Variants in CELSR1 observed in about 807,000 individuals in gnomAD.
The protein encoded by CELSR1 is adhesion G protein-coupled receptor C1.
Under a neutral mutation model 249.1 loss-of-function variants are expected in CELSR1, and 110 were observed. The observed-to-expected ratio is 0.44, with a 90% CI of 0.38 to 0.52. The LOEUF is 0.52. Among genes scored for constraint, CELSR1 ranks in the 20% least tolerant of loss-of-function variants. The pLI is 0.00. For synonymous variants in CELSR1, 2,113 were observed against 1,900.0 expected (o/e 1.11, Z -2.92); for missense variants, 4,109 against 4,296.4 (o/e 0.96, Z 1.22).
At chr22:46,507,608 T>G (rs1221482713) in intron 1 of CELSR1, among the ~76,000 whole-genome samples, 2 of 152,150 alleles carry the variant, frequency 1.3e-5, no homozygotes, top group African/African-American at 4.8e-5. Context: ...CACCCCTCAG[T>G]GCAGGGGCCC....
At chr22:46,397,277 C>CTTTTTT (rs528088887) in intron 12 of CELSR1, among the ~76,000 whole-genome samples, 3 of 78,752 alleles carry the variant, frequency 3.8e-5, no homozygotes, top group Non-Finnish European at 7.2e-5. Context: ...CTAATTTTTG[C>CTTTTTT]TTTTTTTTTT....
rs1569153358 is a variant in CELSR1, at chr22:46,423,947, C to CAGG, written c.4611+9445_4611+9446insCCT. Among the ~76,000 whole-genome samples the CAGG allele has an allele frequency of 1.3e-5, 2 of 152,192 alleles. No homozygotes were observed. Among genetic ancestry groups the CAGG allele is most frequent in the Admixed American group, 6.5e-5 (1 of 15,288 alleles). On this transcript the variant is annotated intron_variant, in intron 5 of 34. Coordinates refer to ENST00000674500, the MANE Select transcript of CELSR1 (RefSeq NM_001378328.1). The surrounding 1 kb of genome is among the most constrained non-coding windows in gnomAD (Gnocchi z 5.6). Reference sequence around the variant, plus strand: ...GCCGAGATTGTGCCAGCCTGGGTGACAGAGTGAGACTGCATCTCAAAACAA... The same window carrying CAGG: ...GCCGAGATTGTGCCAGCCTGGGTGACAGGAGAGTGAGACTGCATCTCAAAACAA...
At chr22:46,383,231 C>T (rs2078998457) in intron 20 of CELSR1, among the ~76,000 whole-genome samples, 1 of 150,850 alleles carries the variant, frequency 6.6e-6, no homozygotes, top group Non-Finnish European at 1.5e-5. Context: ...TTTTAAGACA[C>T]ATGAGATAAC....
chr22:46,433,428 G>T lies in CELSR1; in HGVS notation c.4576C>A (p.Arg1526=), dbSNP rs371109251. 1 of 1,613,670 alleles carries T rather than the reference G, an allele frequency of 6.2e-7. No individual in the cohort carries two copies. Among genetic ancestry groups the T allele is most frequent in the African/African-American group, 1.3e-5 (1 of 74,898 alleles). The change falls in exon 5 of 35, where the codon CGG becomes AGG. Residue 1526 remains arginine (R), a synonymous_variant. Coordinates refer to ENST00000674500, the MANE Select transcript of CELSR1 (RefSeq NM_001378328.1). The surrounding 1 kb of genome is among the most constrained non-coding windows in gnomAD (Gnocchi z 5.7). ...PKVPSGVSDG[R]WHSVQVQYYN... ...TACTGCACCTGCACAGAGTGCCACC[G>T]CCCGTCACTCACACCACTGGGAACC...
intron 12 of CELSR1, among the ~76,000 whole-genome samples, chr22:46,397,169 TC>T (rs1392919170): frequency 6.6e-6 from 1 of 152,068 alleles, no homozygotes; most frequent in African/African-American, 2.4e-5. Context: ...AGTGGCATGA[TC>T]TCAGCTCACT....
intron 19 of CELSR1, among the ~76,000 whole-genome samples, chr22:46,385,492 G>A (rs934702645): frequency 3.3e-5 from 5 of 151,960 alleles, no homozygotes; most frequent in Non-Finnish European, 5.9e-5. Flanking sequence ...CGGGGTCCTC[G>A]ACACCCACCC....
Position 46,395,472 on chromosome 22 carries a change from T to A in CELSR1, c.5843+1133A>T, listed in dbSNP as rs2147269162. On this transcript the variant is annotated intron_variant, in intron 13 of 34. Coordinates refer to ENST00000674500, the MANE Select transcript of CELSR1 (RefSeq NM_001378328.1). The surrounding 1 kb of genome is among the most constrained non-coding windows in gnomAD (Gnocchi z 5.5). The stretch of plus-strand genomic sequence containing the variant: ...GGCTCTGTTGCTTTCGCTCCCAGAA[T>A]GCCCTCCCGCTTCAGCCACACTGGC... 6.6e-6 allele frequency among the ~76,000 whole-genome samples: 1 copy of A among 152,198 alleles called. No individual in the cohort carries two copies. The highest frequency in any genetic ancestry group is 2.4e-5 in the African/African-American group (1 of 41,538).
chr22:46,400,483 T>G (rs1254998840), intron 9 of CELSR1, among the ~76,000 whole-genome samples: 2 of 151,444 alleles, frequency 1.3e-5, no homozygotes, highest in African/African-American at 4.9e-5. Flanking sequence ...CTAAAAATAC[T>G]GAAATTAGCC....
intron 22 of CELSR1, among the ~76,000 whole-genome samples, chr22:46,379,511 C>T (rs1369258052): frequency 6.6e-6 from 1 of 152,222 alleles, no homozygotes; most frequent in Admixed American, 6.5e-5. Context: ...CAGATGAATG[C>T]CCAAGACAGA....
intron 1 of CELSR1, among the ~76,000 whole-genome samples, chr22:46,502,835 C>G (rs1465161681): frequency 6.6e-6 from 1 of 152,128 alleles, no homozygotes; most frequent in African/African-American, 2.4e-5. Flanking sequence ...TGGCCAAAAT[C>G]GGCAGCAAGG....
intron 5 of CELSR1, among the ~76,000 whole-genome samples, chr22:46,420,023 C>T (rs536526606): frequency 6.6e-6 from 1 of 150,720 alleles, no homozygotes; most frequent in Non-Finnish European, 1.5e-5. Flanking sequence ...AACCCACGTG[C>T]ACTTACCGAC....
intron 1 of CELSR1, among the ~76,000 whole-genome samples, chr22:46,493,072 T>C (rs969097566): frequency 1.3e-5 from 2 of 151,570 alleles, no homozygotes; most frequent in African/African-American, 4.9e-5. Context: ...AGCCAGATCC[T>C]ATCTCTACAA....
intron 1 of CELSR1, among the ~76,000 whole-genome samples, chr22:46,510,421 A>T (rs1034062761): frequency 6.6e-6 from 1 of 152,070 alleles, no homozygotes; most frequent in African/African-American, 2.4e-5. Flanking sequence ...CCAGACACAC[A>T]AACAGTCCTT....
At chr22:46,392,042 G>A (rs113599253) in intron 14 of CELSR1, among the ~76,000 whole-genome samples, 3 of 152,348 alleles carry the variant, frequency 2.0e-5, no homozygotes, top group South Asian at 2.1e-4. Flanking sequence ...CGGGAAGCAC[G>A]CCCTCCCTCA....
chr22:46,420,455 C>T (rs914383295), intron 5 of CELSR1, among the ~76,000 whole-genome samples: 35 of 152,068 alleles, frequency 2.3e-4, no homozygotes, highest in African/African-American at 7.2e-4. Context: ...CATACTCACC[C>T]AGGTGCACTC....
rs1209860272 is a variant in CELSR1 at position 46,409,548 on chromosome 22, G to C, written c.5059+207C>G. On this transcript the variant is annotated intron_variant, in intron 8 of 34. Transcript: ENST00000674500. The surrounding 1 kb of genome is among the most constrained non-coding windows in gnomAD (Gnocchi z 9.8). ...TACCTGTCCCACCCCACACCTGAGG[G>C]ACTGGGGACCCCAGAAGCAGGAGCA... is the stretch of plus-strand genomic sequence containing the variant. 6.6e-6 allele frequency among the ~76,000 whole-genome samples: 1 copy of C among 152,154 alleles called. No homozygotes were observed. The highest frequency in any genetic ancestry group is 2.4e-5 in the African/African-American group (1 of 41,422).
chr22:46,369,892 G>A (rs1347856247), intron 25 of CELSR1, 88 bp from the exon 26 acceptor site: 3 of 1,094,644 alleles, frequency 2.7e-6, no homozygotes, highest in Non-Finnish European at 4.2e-6. Context: ...GGGGTGAAAT[G>A]GGGGACTCAG....
rs368993229 is a variant in CELSR1 at position 46,411,341 on chromosome 22, G to T, written c.4769+261C>A. Among the ~76,000 whole-genome samples the T allele has an allele frequency of 1.7e-4, 26 of 152,338 alleles. No individual in the cohort carries two copies. The highest frequency in any genetic ancestry group is 6.3e-4 in the African/African-American group (26 of 41,574). The stretch of plus-strand genomic sequence containing the variant: ...AGTGATCCGTGGAGATGGGGCTGGA[G>T]ACCGTCTCGGGGTCTGCAAGCTGGC... On this transcript the variant is annotated intron_variant, in intron 6 of 34. Coordinates refer to ENST00000674500, the MANE Select transcript of CELSR1 (RefSeq NM_001378328.1). The surrounding 1 kb of genome is among the most constrained non-coding windows in gnomAD (Gnocchi z 4.2).
intron 24 of CELSR1, 126 bp downstream of exon 24, chr22:46,376,935 C>G (rs1267905823): frequency 1.2e-5 from 11 of 934,436 alleles, no homozygotes; most frequent in Non-Finnish European, 1.8e-5. Context: ...GAAAGGGCAT[C>G]TGTGAAGCAG....
Sources: allele counts gnomAD v4.1 joint callset (sites outside exome capture counted in the v4.1 genomes callset), GRCh38; gene constraint gnomAD v4.1.1; non-coding constraint Gnocchi (gnomAD v3.1); transcripts MANE v1.5; gene names NCBI Gene and HGNC (gene_info 2026-07-23, HGNC 2026-07-21).